Variants in FNDC1 observed in about 807,000 individuals in gnomAD.
The protein encoded by FNDC1 is fibronectin type III domain containing 1.
Under a neutral mutation model 168.0 loss-of-function variants are expected in FNDC1, and 96 were observed. The observed-to-expected ratio is 0.57, with a 90% CI of 0.48 to 0.68. The LOEUF is 0.68. Among genes scored for constraint, FNDC1 ranks in the 30% least tolerant of loss-of-function variants. The pLI is 0.00. For missense variants in FNDC1, 2,587 were observed against 2,482.1 expected (o/e 1.04, Z -0.90); for synonymous variants, 1,099 against 1,025.9 (o/e 1.07, Z -1.36).
chr6:159,218,136 A>C (rs1048945610), intron 5 of FNDC1, among the ~76,000 whole-genome samples: 3 of 152,182 alleles, frequency 2.0e-5, no homozygotes, highest in Non-Finnish European at 2.9e-5. Flanking sequence ...CACACACTAA[A>C]GTGGCACTTA....
At chr6:159,200,250 T>C (rs536586015) in intron 3 of FNDC1, among the ~76,000 whole-genome samples, 168 bp downstream of exon 3, 1 of 152,252 alleles carries the variant, frequency 6.6e-6, no homozygotes, top group Non-Finnish European at 1.5e-5. Flanking sequence ...GGAAGAGGCT[T>C]ATCCTTTCTT....
intron 14 of FNDC1, 50 bp from the exon 15 acceptor site, chr6:159,246,851 C>G (rs140260800): frequency 1.5e-6 from 2 of 1,349,232 alleles, no homozygotes; most frequent in Non-Finnish European, 2.1e-6. Context: ...TCTGAGAGAA[C>G]CCTGGAGAAG....
chr6:159,199,173 C>T (rs1782319364), intron 2 of FNDC1, among the ~76,000 whole-genome samples: 1 of 152,252 alleles, frequency 6.6e-6, no homozygotes, highest in Non-Finnish European at 1.5e-5. Flanking sequence ...ACTTACCTGT[C>T]ACAAGACAGT....
intron 22 of FNDC1, among the ~76,000 whole-genome samples, chr6:159,268,752 T>C (rs1317958386): frequency 6.6e-6 from 1 of 150,882 alleles, no homozygotes; most frequent in Non-Finnish European, 1.5e-5. Context: ...CATCCATCCA[T>C]GTATCTATTA....
chr6:159,249,059 A>G lies in FNDC1; in HGVS notation c.4711A>G (p.Arg1571Gly). The change falls in exon 16 of 23, where the codon AGG becomes GGG. Residue 1571 changes from arginine (R) to glycine (G), a missense_variant. Physicochemically the swap from Arg to Gly is moderately radical, Grantham distance 125. Coordinates refer to ENST00000297267, the MANE Select transcript of FNDC1 (RefSeq NM_032532.3). ...YDEDYEFETSRPPTTTEPSTT... is the reference protein window; with the variant it reads ...YDEDYEFETSGPPTTTEPSTT... ...TTCAGATTATGAATTTGAGACGTCA[A>G]GGCCACCAACCACCACTGAGCCTTC... 1 of 1,601,474 alleles carries G rather than the reference A, an allele frequency of 6.2e-7. No individual in the cohort carries two copies.
At chr6:159,248,209 G>T (rs1274154116) in intron 15 of FNDC1, among the ~76,000 whole-genome samples, 3 of 152,126 alleles carry the variant, frequency 2.0e-5, no homozygotes, top group Non-Finnish European at 4.4e-5. Context: ...TGAAAAAGGG[G>T]CAGTTTTATT....
At chr6:159,249,958 C>T (rs1485589848) in intron 16 of FNDC1, among the ~76,000 whole-genome samples, 1 of 152,202 alleles carries the variant, frequency 6.6e-6, no homozygotes, top group Non-Finnish European at 1.5e-5. Flanking sequence ...ACTTGAAGAA[C>T]AAGAATATTA....
chr6:159,234,274 C>T lies in FNDC1; in HGVS notation c.3762C>T (p.Ala1254=). The T allele has an allele frequency of 6.3e-7, 1 of 1,597,044 alleles. No homozygotes were observed. The highest frequency in any genetic ancestry group is 8.5e-7 in the Non-Finnish European group (1 of 1,171,890). The part of the protein sequence containing the change: ...LPPPPGSSPR[A]SHVPSRLPPR... ...CACCTCCAGGCAGCTCCCCCAGGGC[C>T]TCCCACGTCCCTTCCCGACTGCCGC... The change falls in exon 11 of 23, where the codon GCC becomes GCT. Residue 1254 remains alanine (A), a synonymous_variant. Coordinates refer to ENST00000297267, the MANE Select transcript of FNDC1 (RefSeq NM_032532.3).
chr6:159,256,840 T>G (rs1010924081), intron 18 of FNDC1, among the ~76,000 whole-genome samples: 15 of 152,256 alleles, frequency 9.9e-5, no homozygotes, highest in African/African-American at 3.6e-4. Flanking sequence ...GTTAGGCTAC[T>G]GTGCTTATAT....
In FNDC1 at chr6:159,222,726, G is replaced by T. The variant is rs149406982; in HGVS notation, c.767-802G>T. On this transcript the variant is annotated intron_variant, in intron 6 of 22. Coordinates refer to ENST00000297267, the MANE Select transcript of FNDC1 (RefSeq NM_032532.3). The stretch of plus-strand genomic sequence containing the variant: ...GGACTCACACCTTCTAAAATGTGAG[G>T]ACATCAAACCCAATGTGAATCTTGC... Among the ~76,000 whole-genome samples, 547 of 152,270 alleles carry T rather than the reference G, an allele frequency of 3.6e-3. 4 individuals carry two copies. Among genetic ancestry groups the T allele is most frequent in the African/African-American group, 0.013 (523 of 41,542 alleles).
Position 159,267,838 on chromosome 6 carries a change from A to G in FNDC1, c.5481A>G (p.Arg1827=). The change falls in exon 22 of 23, where the codon AGA becomes AGG. Residue 1827 remains arginine (R), a synonymous_variant. Coordinates refer to ENST00000297267, the MANE Select transcript of FNDC1 (RefSeq NM_032532.3). The part of the protein sequence containing the change: ...TFYSIGDSWG[R]GEDHCQFVDS... ...ACAGCATTGGAGACAGCTGGGGAAG[A>G]GGTGAAGACCATTGCCAATTTGTGG... 6.2e-7 allele frequency: 1 copy of G among 1,613,824 alleles called. No homozygotes were observed. Among genetic ancestry groups the G allele is most frequent in the Non-Finnish European group, 8.5e-7 (1 of 1,179,832 alleles).
Position 159,233,632 on chromosome 6 carries a change from G to T in FNDC1, c.3120G>T (p.Arg1040=). The T allele has an allele frequency of 6.4e-7, 1 of 1,558,422 alleles. No individual in the cohort carries two copies. The change falls in exon 11 of 23, where the codon CGG becomes CGT. Residue 1040 remains arginine, a synonymous_variant. Transcript: ENST00000297267. This position sits in a 1 kb window ranked among gnomAD's most constrained non-coding sequence, Gnocchi z 4.6. Reference sequence around the variant, plus strand: ...GGCTCTCACTGACCCAGGCCGGGCGGCCCCGCCCCACGTCGCAGGGCCGCT... The same window carrying T: ...GGCTCTCACTGACCCAGGCCGGGCGTCCCCGCCCCACGTCGCAGGGCCGCT... ...QPRLSLTQAG[R]PRPTSQGRSH... is the part of the protein sequence containing the mutation.
chr6:159,215,912 T>A (rs796578214), intron 5 of FNDC1, among the ~76,000 whole-genome samples: 1 of 152,154 alleles, frequency 6.6e-6, no homozygotes, highest in Non-Finnish European at 1.5e-5. Context: ...CTGACTTAAA[T>A]GTTAATCTCC....
chr6:159,200,563 T>C lies in FNDC1; in HGVS notation c.442T>C (p.Phe148Leu). The C allele has an allele frequency of 6.3e-7, 1 of 1,596,780 alleles. No homozygotes were observed. Among genetic ancestry groups the C allele is most frequent in the Non-Finnish European group, 8.5e-7 (1 of 1,170,860 alleles). ...TTTTCCCATTAAGGGTCCAGGACCA[T>C]TTAATGAAACCGTCACAGGTACTAC... ...DGFPIKGPGPFNETVTEKEVP... is the reference protein window; with the variant it reads ...DGFPIKGPGPLNETVTEKEVP... Residue 148 changes from phenylalanine to leucine, a missense_variant, in exon 4 of 23, where the codon TTT (phenylalanine) becomes CTT (leucine). By Grantham distance (22) the Phe-to-Leu change is conservative. Transcript: ENST00000297267.
chr6:159,256,951 C>T (rs1777387433), intron 18 of FNDC1, among the ~76,000 whole-genome samples: 1 of 152,224 alleles, frequency 6.6e-6, no homozygotes, highest in Non-Finnish European at 1.5e-5. Flanking sequence ...TATCGTGGCA[C>T]TAGGCATCAT....
At chr6:159,189,029 G>A (rs917815582) in intron 1 of FNDC1, among the ~76,000 whole-genome samples, 1 of 152,186 alleles carries the variant, frequency 6.6e-6, no homozygotes, top group African/African-American at 2.4e-5. Context: ...TGGGATTATA[G>A]GTGTGAGCTG....
intron 5 of FNDC1, among the ~76,000 whole-genome samples, chr6:159,218,017 G>T (rs1290465616): frequency 6.6e-6 from 1 of 152,074 alleles, no homozygotes; most frequent in Non-Finnish European, 1.5e-5. Context: ...GCCAAATTCT[G>T]CCCGGCATAT....
At chr6:159,185,962 G>T (rs1424613546) in intron 1 of FNDC1, among the ~76,000 whole-genome samples, 1 of 152,208 alleles carries the variant, frequency 6.6e-6, no homozygotes, top group Non-Finnish European at 1.5e-5. Flanking sequence ...TTATATATTA[G>T]TTGGGAAACT....
chr6:159,216,170 C>T (rs541124138), intron 5 of FNDC1, among the ~76,000 whole-genome samples: 168 of 152,294 alleles, frequency 1.1e-3, no homozygotes, highest in African/African-American at 3.8e-3. Flanking sequence ...CCATGTTGGC[C>T]AGGCTGGTCT....
Sources: gnomAD v4.1 joint callset for allele counts (sites outside exome capture counted in the v4.1 genomes callset) on GRCh38, gnomAD v4.1.1 for gene constraint, Gnocchi (gnomAD v3.1) non-coding constraint, MANE v1.5 for transcripts, NCBI Gene and HGNC (gene_info 2026-07-23, HGNC 2026-07-21) for gene names.